PRKN: variants seen among roughly 807,000 people sequenced by gnomAD.
The protein encoded by PRKN is parkin RBR E3 ubiquitin protein ligase.
PRKN carries 56 observed loss-of-function variants against 59.5 expected under a neutral mutation model. The ratio of observed to expected loss-of-function variants is 0.94; its 90% CI spans 0.76 to 1.18. The LOEUF is 1.18. Among genes scored for constraint, PRKN ranks in the 50% most tolerant of loss-of-function variants. The probability of loss-of-function intolerance (pLI) is 0.00; values close to 1 mark genes in which losing one functional copy is unlikely to be tolerated. For missense variants in PRKN, 657 were observed against 596.4 expected (o/e 1.10, Z -1.06); for synonymous variants, 250 against 222.1 (o/e 1.13, Z -1.12).
rs182017022 is a variant in PRKN at position 161,879,085 on chromosome 6, C to T, written c.735-93177G>A. Among the ~76,000 whole-genome samples, 15 of 152,232 alleles carry T rather than the reference C, an allele frequency of 9.9e-5. No homozygotes were observed. The East Asian group carries it at 2.9e-3, about 30-fold the overall frequency. On this transcript the variant is annotated intron_variant, in intron 6 of 11. Transcript: ENST00000366898. ...TCCAAACCTTATATCATTAGCATTT[C>T]TCTCCAGATTCTATATTTTCACAGC...
At chr6:162,400,668 G>C (rs1195408216) in intron 2 of PRKN, among the ~76,000 whole-genome samples, 1 of 152,088 alleles carries the variant, frequency 6.6e-6, no homozygotes, top group Admixed American at 6.6e-5. Context: ...TGTCCTGACT[G>C]TAAAACAACA....
At position 161,637,123 on chromosome 6, in the gene PRKN, C is replaced by T. The variant is rs143233918; in HGVS notation, c.872-67707G>A. 4.5e-4 allele frequency among the ~76,000 whole-genome samples: 68 copies of T among 152,178 alleles called. No homozygotes were observed. The East Asian group carries it at 6.2e-3, about 14-fold the overall frequency. ...GAAGAGGTAAGATGTTTTTATAAAC[C>T]GCTAAATCATGCTGAAATTGGAAGT... On this transcript the variant is annotated intron_variant, in intron 7 of 11. Coordinates refer to ENST00000366898, the MANE Select transcript of PRKN (RefSeq NM_004562.3).
intron 1 of PRKN, among the ~76,000 whole-genome samples, chr6:162,451,024 A>C (rs951329355): frequency 1.2e-4 from 19 of 152,154 alleles, no homozygotes; most frequent in African/African-American, 4.6e-4. Context: ...TGTAAAATAA[A>C]TGTTCATATA....
In PRKN at chr6:162,708,225, C is replaced by T. The variant is rs185480759; in HGVS notation, c.7+19437G>A. ...TCAATCCAGCTGTGCCCCAAGAAAA[C>T]TGAATGAATGTTGATGATAAAAATA... On this transcript the variant is annotated intron_variant, in intron 1 of 11. Coordinates refer to ENST00000366898, the MANE Select transcript of PRKN (RefSeq NM_004562.3). Among the ~76,000 whole-genome samples the T allele has an allele frequency of 2.8e-3, 424 of 152,152 alleles. 1 individual carries two copies. The highest frequency in any genetic ancestry group is 4.4e-3 in the Non-Finnish European group (297 of 68,006).
intron 4 of PRKN, among the ~76,000 whole-genome samples, chr6:162,152,127 T>G: frequency 6.6e-6 from 1 of 152,116 alleles, no homozygotes; most frequent in East Asian, 1.9e-4. Flanking sequence ...GAAAGGCTCT[T>G]CTCTGATTTT....
chr6:161,745,208 G>A (rs1233978534), intron 7 of PRKN, among the ~76,000 whole-genome samples: 1 of 152,156 alleles, frequency 6.6e-6, no homozygotes, highest in Non-Finnish European at 1.5e-5. Flanking sequence ...AGGGAGGCAT[G>A]AAATAATAAC....
chr6:162,144,436 G>A (rs1331098293), intron 4 of PRKN, among the ~76,000 whole-genome samples: 3 of 152,176 alleles, frequency 2.0e-5, no homozygotes, highest in African/African-American at 7.2e-5. Flanking sequence ...AAGAAAGAAT[G>A]GAGGCAGAGA....
intron 3 of PRKN, among the ~76,000 whole-genome samples, chr6:162,223,609 C>T (rs912947641): frequency 7.1e-6 from 1 of 141,182 alleles, no homozygotes; most frequent in Non-Finnish European, 1.5e-5. Context: ...CAAATAGACA[C>T]GTGACACACA....
At chr6:162,223,760 T>A (rs1017094930) in intron 3 of PRKN, among the ~76,000 whole-genome samples, 3 of 152,088 alleles carry the variant, frequency 2.0e-5, no homozygotes, top group African/African-American at 7.2e-5. Context: ...TTTTTCCCCC[T>A]GAAATGTCAT....
intron 7 of PRKN, among the ~76,000 whole-genome samples, chr6:161,591,440 C>T (rs1781722047): frequency 6.6e-6 from 1 of 152,200 alleles, no homozygotes; most frequent in Admixed American, 6.5e-5. Flanking sequence ...AAACCACCTC[C>T]ACCCTCTCCC....
intron 4 of PRKN, among the ~76,000 whole-genome samples, chr6:162,108,656 C>T (rs1390110615): frequency 6.6e-6 from 1 of 152,134 alleles, no homozygotes; most frequent in East Asian, 1.9e-4. Flanking sequence ...AAACATAGGC[C>T]TAGCAGCCAG....
At chr6:161,860,340 T>G (rs7750426) in intron 6 of PRKN, among the ~76,000 whole-genome samples, 75,562 of 151,982 alleles carry the variant, frequency 0.5, 18,985 homozygotes, top group East Asian at 0.74. Context: ...TGTGTATAAG[T>G]TTCAACAAGG....
intron 2 of PRKN, among the ~76,000 whole-genome samples, chr6:162,421,565 T>C (rs1199115036): frequency 6.6e-6 from 1 of 152,238 alleles, no homozygotes; most frequent in East Asian, 1.9e-4. Flanking sequence ...TGGCACCTTC[T>C]CAATGAGTCC....
At chr6:161,491,605 G>A (rs1777558697) in intron 9 of PRKN, among the ~76,000 whole-genome samples, 2 of 151,814 alleles carry the variant, frequency 1.3e-5, no homozygotes, top group Admixed American at 1.3e-4. Flanking sequence ...ATTTGCTCCT[G>A]GAACTTTGTA....
intron 5 of PRKN, among the ~76,000 whole-genome samples, chr6:162,016,478 G>A (rs2128273223): frequency 6.6e-6 from 1 of 152,206 alleles, no homozygotes; most frequent in Admixed American, 6.5e-5. Context: ...GAGGTCCTCT[G>A]ACTGTCCCTT....
At chr6:162,518,478 G>T (rs1777957016) in intron 1 of PRKN, among the ~76,000 whole-genome samples, 1 of 152,114 alleles carries the variant, frequency 6.6e-6, no homozygotes. Context: ...TGATTCTCGT[G>T]CCTCAGCCTC....
intron 1 of PRKN, among the ~76,000 whole-genome samples, chr6:162,477,191 A>G (rs2128180725): frequency 6.6e-6 from 1 of 152,314 alleles, no homozygotes; most frequent in African/African-American, 2.4e-5. Context: ...AAATCACACA[A>G]TCTATCTTAA....
At chr6:161,899,049 G>T (rs183583284) in intron 6 of PRKN, among the ~76,000 whole-genome samples, 59 of 152,320 alleles carry the variant, frequency 3.9e-4, no homozygotes, top group Admixed American at 3.9e-3. Flanking sequence ...TTGGCAGCTG[G>T]CTGCACAGCA....
At chr6:162,400,618 T>C (rs940249429) in intron 2 of PRKN, among the ~76,000 whole-genome samples, 1 of 152,134 alleles carries the variant, frequency 6.6e-6, no homozygotes, top group African/African-American at 2.4e-5. Context: ...ACTGAAATCA[T>C]TGTGGATTTT....
Sources: gnomAD v4.1 joint callset for allele counts (sites outside exome capture counted in the v4.1 genomes callset) on GRCh38, gnomAD v4.1.1 for gene constraint, MANE v1.5 for transcripts, NCBI Gene and HGNC (gene_info 2026-07-23, HGNC 2026-07-21) for gene names.